WWOX: variants seen among roughly 807,000 people sequenced by gnomAD.
WWOX encodes the protein WW domain-containing oxidoreductase.
A neutral mutation model predicts 46.2 loss-of-function variants in WWOX; 69 were observed. That is an observed-to-expected ratio of 1.49 (90% CI 1.23 to 1.82). WWOX has a LOEUF of 1.82. Among genes scored for constraint, WWOX ranks in the 40% most tolerant of loss-of-function variants. The probability of loss-of-function intolerance (pLI) is 0.00; values close to 1 mark genes in which losing one functional copy is unlikely to be tolerated. For missense variants in WWOX, 919 were observed against 542.6 expected (o/e 1.69, Z -6.89); for synonymous variants, 359 against 202.6 (o/e 1.77, Z -6.56).
chr16:78,925,077 C>A (rs886456774), intron 8 of WWOX, among the ~76,000 whole-genome samples: 2 of 152,100 alleles, frequency 1.3e-5, no homozygotes, highest in Non-Finnish European at 2.9e-5. Flanking sequence ...TGCCTGTAGT[C>A]CCAGTTACTG....
At chr16:78,229,632 G>A (rs1361188104) in intron 5 of WWOX, among the ~76,000 whole-genome samples, 5 of 151,858 alleles carry the variant, frequency 3.3e-5, no homozygotes, top group Non-Finnish European at 5.9e-5. Flanking sequence ...TGGAGTCTCT[G>A]TAGGTCTCAG....
At chr16:78,419,913 T>C (rs975281912) in intron 6 of WWOX, among the ~76,000 whole-genome samples, 1 of 152,096 alleles carries the variant, frequency 6.6e-6, no homozygotes, top group African/African-American at 2.4e-5. Context: ...GATTTGTATC[T>C]AGAATAAAGA....
intron 8 of WWOX, among the ~76,000 whole-genome samples, chr16:78,554,693 G>A (rs76228481): frequency 2.6e-5 from 4 of 152,122 alleles, no homozygotes; most frequent in Admixed American, 6.6e-5. Flanking sequence ...GAATAGGACC[G>A]TAGAGGTGGC....
At chr16:78,636,799 C>A (rs2046582563) in intron 8 of WWOX, among the ~76,000 whole-genome samples, 1 of 152,176 alleles carries the variant, frequency 6.6e-6, no homozygotes. Flanking sequence ...AGGCAAGAGG[C>A]ATTCAACCTC....
At chr16:78,739,437 G>C (rs1282915712) in intron 8 of WWOX, among the ~76,000 whole-genome samples, 2 of 152,156 alleles carry the variant, frequency 1.3e-5, no homozygotes, top group Non-Finnish European at 2.9e-5. Context: ...CACATCTTCG[G>C]TTCCTCCAAG....
rs1209624452 is a variant in WWOX at position 78,572,804 on chromosome 16, A to G, written c.1056+140052A>G. ...AGGGACGGGGCATGGTTGGGAGGAA[A>G]ACAGAATGGTGCCATGGCGAGAGAT... On this transcript the variant is annotated intron_variant, in intron 8 of 8. Transcript: ENST00000566780. 4.6e-5 allele frequency among the ~76,000 whole-genome samples: 7 copies of G among 152,120 alleles called. No individual in the cohort carries two copies. In the East Asian group the frequency reaches 7.7e-4, roughly 17 times the overall value.
chr16:79,074,116 G>T (rs2048604341), intron 8 of WWOX, among the ~76,000 whole-genome samples: 1 of 152,094 alleles, frequency 6.6e-6, no homozygotes, highest in African/African-American at 2.4e-5. Context: ...TTTACCGGCT[G>T]ACTAGAATGT....
intron 6 of WWOX, among the ~76,000 whole-genome samples, chr16:78,398,595 C>T (rs11150075): frequency 0.2 from 31,074 of 152,066 alleles, 3,508 homozygotes; most frequent in South Asian, 0.38. Context: ...TGGAATACTT[C>T]GGGGATGCTT....
In WWOX at chr16:79,163,795, CA is replaced by C. The variant is rs66922536; in HGVS notation, c.1057-47791del. 6.7e-3 allele frequency among the ~76,000 whole-genome samples: 683 copies of C among 102,124 alleles called. 2 individuals carry two copies. Among genetic ancestry groups the C allele is most frequent in the African/African-American group, 0.021 (514 of 24,498 alleles). The allele number at this position is 102,124 out of a possible 152,430, so 67.0% of individuals were successfully genotyped here. A position where few individuals can be genotyped will look rare whatever the true frequency, so the allele number is the denominator to read the frequency against. ...CTGGGCAACGAGCAAAACTCCACCT[CA>C]AAAAAAAAAAAAAAAAAAAAAGAGA... On this transcript the variant is annotated intron_variant, in intron 8 of 8. Coordinates refer to ENST00000566780, the MANE Select transcript of WWOX (RefSeq NM_016373.4).
At chr16:78,967,322 C>G (rs1167664706) in intron 8 of WWOX, among the ~76,000 whole-genome samples, 1 of 110,396 alleles carries the variant, frequency 9.1e-6, no homozygotes, top group East Asian at 2.9e-4. Context: ...TTGAGACTCA[C>G]TCTGTCACCC....
At chr16:79,093,714 G>T (rs2049011356) in intron 8 of WWOX, among the ~76,000 whole-genome samples, 1 of 152,180 alleles carries the variant, frequency 6.6e-6, no homozygotes. Context: ...TAACTTGAAT[G>T]AACATCAAAA....
chr16:78,334,649 A>G (rs1295232752), intron 5 of WWOX, among the ~76,000 whole-genome samples: 1 of 152,166 alleles, frequency 6.6e-6, no homozygotes, highest in African/African-American at 2.4e-5. Flanking sequence ...TTATAAATCC[A>G]AGAATTAATT....
At chr16:79,058,677 T>C (rs2048308720) in intron 8 of WWOX, among the ~76,000 whole-genome samples, 1 of 152,242 alleles carries the variant, frequency 6.6e-6, no homozygotes, top group African/African-American at 2.4e-5. Flanking sequence ...CAACTAGTCC[T>C]TATTTTGGTA....
chr16:78,859,266 G>C (rs942175410), intron 8 of WWOX, among the ~76,000 whole-genome samples: 1 of 151,276 alleles, frequency 6.6e-6, no homozygotes, highest in African/African-American at 2.4e-5. Flanking sequence ...CTGCCTGAAA[G>C]GGAAGTGGAG....
intron 8 of WWOX, among the ~76,000 whole-genome samples, chr16:79,039,557 C>G (rs1460318790): frequency 6.6e-6 from 1 of 152,058 alleles, no homozygotes; most frequent in East Asian, 1.9e-4. Context: ...TGTCCATGGT[C>G]GAGGTGTCCA....
chr16:78,950,934 T>C (rs920873304), intron 8 of WWOX, among the ~76,000 whole-genome samples: 2 of 152,080 alleles, frequency 1.3e-5, no homozygotes, highest in African/African-American at 4.8e-5. Flanking sequence ...AGATTTTCAG[T>C]CTTTGGAGCC....
chr16:78,485,666 A>C (rs2084616468), intron 8 of WWOX, among the ~76,000 whole-genome samples: 1 of 152,228 alleles, frequency 6.6e-6, no homozygotes, highest in Admixed American at 6.5e-5. Context: ...ACATCTGCTC[A>C]CAAGTGAGCA....
At chr16:78,681,244 T>A (rs2047722111) in intron 8 of WWOX, among the ~76,000 whole-genome samples, 1 of 151,580 alleles carries the variant, frequency 6.6e-6, no homozygotes, top group Non-Finnish European at 1.5e-5. Flanking sequence ...GTCTCATAAA[T>A]AAATAAATAA....
At chr16:78,478,572 G>C (rs999839095) in intron 8 of WWOX, among the ~76,000 whole-genome samples, 2 of 144,250 alleles carry the variant, frequency 1.4e-5, no homozygotes, top group South Asian at 2.1e-4. Context: ...CCACCTTGCT[G>C]TTGCACCCCC....
Sources: gnomAD v4.1 joint callset for allele counts (sites outside exome capture counted in the v4.1 genomes callset) on GRCh38, gnomAD v4.1.1 for gene constraint, MANE v1.5 for transcripts, NCBI Gene and HGNC (gene_info 2026-07-23, HGNC 2026-07-21) for gene names.